The following ROR1 variants were observed in gnomAD, a reference collection of about 807,000 sequenced individuals.
ROR1 encodes inactive tyrosine-protein kinase transmembrane receptor ROR1.
In ROR1, 19 loss-of-function variants were observed where a neutral mutation model predicts 78.8. The observed-to-expected ratio is 0.24, with a 90% CI of 0.17 to 0.35. ROR1 has a LOEUF of 0.35. Among genes scored for constraint, ROR1 ranks in the 10% least tolerant of loss-of-function variants. The probability of loss-of-function intolerance (pLI) is 1.00; values close to 1 mark genes in which losing one functional copy is unlikely to be tolerated. For missense variants in ROR1, 917 were observed against 1,177.8 expected (o/e 0.78, Z 3.24); for synonymous variants, 386 against 433.6 (o/e 0.89, Z 1.36).
intron 1 of ROR1, among the ~76,000 whole-genome samples, chr1:64,006,083 C>A (rs1433710139): frequency 6.6e-6 from 1 of 152,174 alleles, no homozygotes; most frequent in Non-Finnish European, 1.5e-5. Flanking sequence ...AAATTATATT[C>A]AATCAGCAAT....
At chr1:63,916,255 G>A (rs1049205087) in intron 1 of ROR1, among the ~76,000 whole-genome samples, 1 of 152,166 alleles carries the variant, frequency 6.6e-6, no homozygotes. Flanking sequence ...CATTGTTGAA[G>A]GCAAGAGGAT....
chr1:63,809,618 G>A (rs1644848695), intron 1 of ROR1, among the ~76,000 whole-genome samples: 1 of 152,190 alleles, frequency 6.6e-6, no homozygotes, highest in Non-Finnish European at 1.5e-5. Context: ...TACTTCCAAT[G>A]TGGCATCTAA....
chr1:63,973,904 T>C (rs990697927), intron 1 of ROR1, among the ~76,000 whole-genome samples: 3 of 152,210 alleles, frequency 2.0e-5, no homozygotes, highest in East Asian at 3.8e-4. Context: ...GGAGTAGATA[T>C]CACTGTTTGC....
intron 1 of ROR1, among the ~76,000 whole-genome samples, chr1:63,853,402 C>T (rs1645126520): frequency 6.6e-6 from 1 of 152,136 alleles, no homozygotes; most frequent in African/African-American, 2.4e-5. Flanking sequence ...GAATCCAAAA[C>T]CCAAAATGCA....
intron 4 of ROR1, among the ~76,000 whole-genome samples, chr1:64,085,427 T>C (rs1402678942): frequency 6.6e-6 from 1 of 152,158 alleles, no homozygotes; most frequent in African/African-American, 2.4e-5. Context: ...GCATTCGTTG[T>C]TATAAGCAAG....
intron 4 of ROR1, among the ~76,000 whole-genome samples, chr1:64,071,570 A>G (rs894761179): frequency 1.8e-4 from 25 of 139,096 alleles, no homozygotes; most frequent in Non-Finnish European, 2.0e-4. Context: ...CCCCCGCCCC[A>G]CCACCCACAC....
intron 4 of ROR1, among the ~76,000 whole-genome samples, chr1:64,078,477 T>G (rs1647071256): frequency 6.6e-6 from 1 of 152,138 alleles, no homozygotes; most frequent in Non-Finnish European, 1.5e-5. Context: ...AGCTAAGATG[T>G]CGAGGAAGGA....
chr1:63,827,347 G>C (rs1644960476), intron 1 of ROR1, among the ~76,000 whole-genome samples: 1 of 152,114 alleles, frequency 6.6e-6, no homozygotes, highest in Admixed American at 6.6e-5. Flanking sequence ...CCTTTGTCAT[G>C]AAACCTTTGC....
At chr1:63,891,719 T>G (rs929462205) in intron 1 of ROR1, among the ~76,000 whole-genome samples, 1 of 152,076 alleles carries the variant, frequency 6.6e-6, no homozygotes, top group African/African-American at 2.4e-5. Flanking sequence ...GATGGGTGAA[T>G]TTGATGTCAC....
intron 1 of ROR1, among the ~76,000 whole-genome samples, chr1:63,846,138 G>GAA (rs1645079691): frequency 3.3e-5 from 3 of 90,158 alleles, no homozygotes; most frequent in African/African-American, 1.1e-4. Context: ...GTGTGTGTGT[G>GAA]TGTGTGTGTG....
intron 1 of ROR1, among the ~76,000 whole-genome samples, chr1:63,850,562 T>C (rs1271743658): frequency 1.8e-5 from 2 of 112,970 alleles, no homozygotes; most frequent in African/African-American, 1.5e-4. Flanking sequence ...ATTCAACAGG[T>C]ATGAGAAACT....
intron 1 of ROR1, among the ~76,000 whole-genome samples, chr1:63,802,200 T>C (rs939775982): frequency 4.6e-5 from 7 of 152,216 alleles, no homozygotes; most frequent in African/African-American, 1.7e-4. Flanking sequence ...GCTGAAACTG[T>C]ATAACAAGCT....
At chr1:63,951,708 AC>A (rs200785093) in intron 1 of ROR1, among the ~76,000 whole-genome samples, 5 of 148,704 alleles carry the variant, frequency 3.4e-5, no homozygotes, top group Admixed American at 6.7e-5. Flanking sequence ...TCTTAAAGAC[AC>A]CCCCCCCTCA....
chr1:64,093,671 CT>C (rs1345479897), intron 4 of ROR1, among the ~76,000 whole-genome samples: 3 of 151,234 alleles, frequency 2.0e-5, no homozygotes, highest in East Asian at 3.9e-4. Context: ...TCCTGAACCT[CT>C]TTTTTTTTGT....
intron 4 of ROR1, among the ~76,000 whole-genome samples, chr1:64,087,723 G>T (rs963739550): frequency 1.8e-4 from 27 of 152,174 alleles, no homozygotes; most frequent in African/African-American, 6.3e-4. Flanking sequence ...GAGCCCTGCA[G>T]CATGACAAGA....
At chr1:63,930,266 T>G (rs1052470688) in intron 1 of ROR1, among the ~76,000 whole-genome samples, 1 of 152,230 alleles carries the variant, frequency 6.6e-6, no homozygotes, top group Admixed American at 6.5e-5. Context: ...AGTCATTATC[T>G]GTTCAACAGT....
At chr1:64,073,936 G>C (rs1356093189) in intron 4 of ROR1, among the ~76,000 whole-genome samples, 1 of 152,236 alleles carries the variant, frequency 6.6e-6, no homozygotes, top group Non-Finnish European at 1.5e-5. Context: ...TGGAGATGAG[G>C]TTAATAAGAC....
At chr1:64,095,441 T>G (rs997848769) in intron 4 of ROR1, among the ~76,000 whole-genome samples, 7 of 152,146 alleles carry the variant, frequency 4.6e-5, no homozygotes, top group Non-Finnish European at 7.4e-5. Flanking sequence ...TAATGAATTA[T>G]AGTTACAGGC....
In ROR1 at chr1:63,857,595, A is replaced by T. The variant is rs976879811; in HGVS notation, c.91+83087A>T. Reference sequence around the variant, plus strand: ...TGGAAAACCTCATGGTTCCCCAGGCATGGGGAGAGCACATAAAAGTGTTTT... The same window carrying T: ...TGGAAAACCTCATGGTTCCCCAGGCTTGGGGAGAGCACATAAAAGTGTTTT... On this transcript the variant is annotated intron_variant, in intron 1 of 8. Transcript: ENST00000371079. Among the ~76,000 whole-genome samples, 4 of 152,338 alleles carry T rather than the reference A, an allele frequency of 2.6e-5. No individual in the cohort carries two copies. The East Asian group carries it at 5.8e-4, about 22-fold the overall frequency.
Sources: gnomAD v4.1 joint callset for allele counts (sites outside exome capture counted in the v4.1 genomes callset) on GRCh38, gnomAD v4.1.1 for gene constraint, MANE v1.5 for transcripts, NCBI Gene and HGNC (gene_info 2026-07-23, HGNC 2026-07-21) for gene names.